Variants in SV2C observed in about 807,000 individuals in gnomAD.
SV2C encodes synaptic vesicle glycoprotein 2C.
Under a neutral mutation model 79.7 loss-of-function variants are expected in SV2C, and 49 were observed. The observed-to-expected ratio is 0.61, with a 90% CI of 0.49 to 0.78. The LOEUF (loss-of-function observed/expected upper bound fraction) is 0.78. SV2C is among the 30% of genes least tolerant of loss of function. The pLI is 0.00. For synonymous variants in SV2C, 334 were observed against 333.2 expected, an observed-to-expected ratio of 1.00 and a Z score of -0.03; for missense variants, 833 against 912.9, an observed-to-expected ratio of 0.91 and a Z score of 1.13.
In SV2C at chr5:76,231,934, A is replaced by G. The variant is rs200991652; in HGVS notation, c.913+22047A>G. 3.1e-3 allele frequency among the ~76,000 whole-genome samples: 417 copies of G among 134,098 alleles called. 2 individuals carry two copies. Among genetic ancestry groups the G allele is most frequent in the African/African-American group, 0.014 (345 of 25,540 alleles). The allele number at this position is 134,098 out of a possible 152,430, so 88.0% of individuals were successfully genotyped here. ...TGTCTTTATAGCAGCATGATTTATA[A>G]TCCTTTGGGTATATACCAAGTAATG... On this transcript the variant is annotated intron_variant, in intron 4 of 12. Coordinates refer to ENST00000502798, the MANE Select transcript of SV2C (RefSeq NM_014979.4).
chr5:76,217,466 T>A (rs1744936143), intron 4 of SV2C, among the ~76,000 whole-genome samples: 1 of 152,226 alleles, frequency 6.6e-6, no homozygotes, highest in African/African-American at 2.4e-5. Context: ...AGAGGTATTT[T>A]GAGTCTCAGA....
the SV2C span, among the ~76,000 whole-genome samples, chr5:76,066,283 CT>C: frequency 3.9e-5 from 6 of 152,032 alleles, no homozygotes; most frequent in South Asian, 1.2e-3. Flanking sequence ...AAAGGATGAG[CT>C]TATGTCCTTT....
At chr5:75,881,621 T>C in the SV2C span, among the ~76,000 whole-genome samples, 2 of 152,142 alleles carry the variant, frequency 1.3e-5, no homozygotes, top group African/African-American at 4.8e-5. Flanking sequence ...TGTATAAGAA[T>C]GCTTGTGATT....
chr5:76,301,580 T>C, intron 12 of SV2C, 35 bp downstream of exon 12: 1 of 1,595,124 alleles, frequency 6.3e-7, no homozygotes, highest in Non-Finnish European at 8.6e-7. Flanking sequence ...AGAGGCACTC[T>C]AAGCCCTGTG....
In SV2C at chr5:76,240,050, C is replaced by G. The variant is rs558032875; in HGVS notation, c.913+30163C>G. Among the ~76,000 whole-genome samples the G allele has an allele frequency of 1.4e-4, 21 of 152,278 alleles. No homozygotes were observed. The South Asian group carries it at 4.1e-3, about 30-fold the overall frequency. On this transcript the variant is annotated intron_variant, in intron 4 of 12. Transcript: ENST00000502798. ...CCTTTCTTATGCTTTTTATTCTGCA[C>G]CATTCATCAAATATTGTGCCCTTTT...
In SV2C at chr5:76,177,556, C is replaced by T. The variant is rs1458152982; in HGVS notation, c.581-17363C>T. 2.6e-5 allele frequency among the ~76,000 whole-genome samples: 4 copies of T among 152,092 alleles called. No homozygotes were observed. In the East Asian group the frequency reaches 7.7e-4, roughly 29 times the overall value. ...ATGGTATTTCTGTCTCTCAAAATAACTTAATATTTTCAGACCATGGTTGGC... is the reference window on the plus strand; with the variant it reads ...ATGGTATTTCTGTCTCTCAAAATAATTTAATATTTTCAGACCATGGTTGGC... On this transcript the variant is annotated intron_variant, in intron 2 of 12. Coordinates refer to ENST00000502798, the MANE Select transcript of SV2C (RefSeq NM_014979.4).
intron 12 of SV2C, among the ~76,000 whole-genome samples, chr5:76,340,593 A>C (rs1056629075): frequency 6.6e-6 from 1 of 152,166 alleles, no homozygotes; most frequent in African/African-American, 2.4e-5. Context: ...TATCCCACCA[A>C]CTCAAACTGA....
chr5:76,067,435 ATTG>A, the SV2C span, among the ~76,000 whole-genome samples: 2 of 151,892 alleles, frequency 1.3e-5, no homozygotes, highest in African/African-American at 4.8e-5. Context: ...AATTATTATT[ATTG>A]TTATTTGTAA....
the SV2C span, among the ~76,000 whole-genome samples, chr5:75,977,910 T>C: frequency 6.6e-6 from 1 of 152,208 alleles, no homozygotes; most frequent in South Asian, 2.1e-4. Context: ...GCAAACACTG[T>C]ATGGTAGCTT....
chr5:75,940,573 C>T, the SV2C span, among the ~76,000 whole-genome samples: 1 of 152,126 alleles, frequency 6.6e-6, no homozygotes, highest in African/African-American at 2.4e-5. Flanking sequence ...ACTCTAATAT[C>T]CTGTAGACAG....
At chr5:75,853,717 C>T in the SV2C span, among the ~76,000 whole-genome samples, 6 of 148,182 alleles carry the variant, frequency 4.0e-5, no homozygotes, top group South Asian at 4.2e-4. Context: ...AAGAGGCAAT[C>T]GATCAAGTAG....
the SV2C span, among the ~76,000 whole-genome samples, chr5:75,860,268 G>A: frequency 0.02 from 3,073 of 152,230 alleles, 86 homozygotes; most frequent in African/African-American, 0.067. Flanking sequence ...AGAATCAAAT[G>A]AAGAACACAA....
intron 3 of SV2C, 106 bp downstream of exon 3, chr5:76,195,205 C>T (rs1744236970): frequency 8.7e-7 from 1 of 1,153,138 alleles, no homozygotes; most frequent in South Asian, 1.5e-5. Flanking sequence ...CATCTCCTTC[C>T]ATATCCTCAT....
rs1048298968 is a variant in SV2C, at chr5:76,333,744, T to C, written c.*8197T>C. On this transcript the variant is annotated 3_prime_UTR_variant, in exon 13 of 13. Transcript: ENST00000502798. The stretch of plus-strand genomic sequence containing the variant: ...GCCAAAATGTTTGACCAAATGTGTT[T>C]TGACAAATATCCCGAGACAGCCATG... 6.6e-6 allele frequency: 1 copy of C among 152,200 alleles called. No homozygotes were observed. Among genetic ancestry groups the C allele is most frequent in the African/African-American group, 2.4e-5 (1 of 41,442 alleles). The allele number at this position is 152,200 out of a possible 1,614,324, so 9.4% of individuals were successfully genotyped here. A position where few individuals can be genotyped will look rare whatever the true frequency, so the allele number is the denominator to read the frequency against.
chr5:76,228,166 T>C (rs1745311232), intron 4 of SV2C, among the ~76,000 whole-genome samples: 1 of 152,166 alleles, frequency 6.6e-6, no homozygotes, highest in Non-Finnish European at 1.5e-5. Context: ...GACTTTTGCA[T>C]TTATTGAACA....
At chr5:75,960,778 T>C in the SV2C span, among the ~76,000 whole-genome samples, 1 of 152,024 alleles carries the variant, frequency 6.6e-6, no homozygotes, top group Non-Finnish European at 1.5e-5. Flanking sequence ...TGTTATTGAT[T>C]GTATTTATAA....
Position 76,137,055 on chromosome 5 carries a change from G to A in SV2C, c.580+4725G>A, listed in dbSNP as rs544899024. 2.6e-4 allele frequency among the ~76,000 whole-genome samples: 40 copies of A among 152,314 alleles called. No individual in the cohort carries two copies. In the South Asian group the frequency reaches 3.1e-3, roughly 12 times the overall value. On this transcript the variant is annotated intron_variant, in intron 2 of 12. Coordinates refer to ENST00000502798, the MANE Select transcript of SV2C (RefSeq NM_014979.4). Reference sequence around the variant, plus strand: ...CAAATAGACTTTAAGCCACTTACTTGTGTGACCATTTGCAAGTAATTTAAA... The same window carrying A: ...CAAATAGACTTTAAGCCACTTACTTATGTGACCATTTGCAAGTAATTTAAA...
chr5:75,955,994 C>A, the SV2C span, among the ~76,000 whole-genome samples: 1 of 149,054 alleles, frequency 6.7e-6, no homozygotes, highest in Non-Finnish European at 1.5e-5. Flanking sequence ...GTGGCGATTC[C>A]TCAGGGATCT....
chr5:75,917,373 C>G, the SV2C span, among the ~76,000 whole-genome samples: 3 of 152,090 alleles, frequency 2.0e-5, no homozygotes, highest in Non-Finnish European at 4.4e-5. Flanking sequence ...AGGTTTAGCA[C>G]TATATCAGAG....
Sources: allele counts gnomAD v4.1 joint callset (sites outside exome capture counted in the v4.1 genomes callset), GRCh38; gene constraint gnomAD v4.1.1; transcripts MANE v1.5; gene names NCBI Gene and HGNC (gene_info 2026-07-23, HGNC 2026-07-21).